PCDHA11: variants seen among roughly 807,000 people sequenced by gnomAD.
PCDHA11 encodes the protein protocadherin alpha 11.
A neutral mutation model predicts 70.3 loss-of-function variants in PCDHA11; 61 were observed. The ratio of observed to expected loss-of-function variants is 0.87; its 90% CI spans 0.71 to 1.07. The LOEUF is 1.07. Among genes scored for constraint, PCDHA11 ranks in the 50% least tolerant of loss-of-function variants. The pLI is 0.00. For missense variants in PCDHA11, 1,324 were observed against 1,237.5 expected (o/e 1.07, Z -1.05); for synonymous variants, 633 against 555.1 (o/e 1.14, Z -1.97).
intron 1 of PCDHA11, among the ~76,000 whole-genome samples, chr5:140,906,601 A>G (rs1337843589): frequency 6.6e-6 from 1 of 152,156 alleles, no homozygotes; most frequent in Non-Finnish European, 1.5e-5. Flanking sequence ...TCTACTACTC[A>G]TTCTGTATTC....
chr5:141,011,325 A>G lies in PCDHA11; in HGVS notation c.*1388A>G, dbSNP rs533115888. 1 of 153,778 alleles carries G rather than the reference A, an allele frequency of 6.5e-6. No individual in the cohort carries two copies. Among genetic ancestry groups the G allele is most frequent in the African/African-American group, 2.4e-5 (1 of 41,456 alleles). 9.5% of individuals were successfully genotyped at this position (153,778 alleles called of 1,614,324 possible). On this transcript the variant is annotated 3_prime_UTR_variant, in exon 4 of 4. Transcript: ENST00000398640. ...TGAATTGCTAATCTTACTAACACCTATGATGTTACCTGAAATCAATCTCCC... is the reference window on the plus strand; with the variant it reads ...TGAATTGCTAATCTTACTAACACCTGTGATGTTACCTGAAATCAATCTCCC...
At chr5:141,001,452 A>G (rs2098018922) in intron 3 of PCDHA11, among the ~76,000 whole-genome samples, 1 of 152,196 alleles carries the variant, frequency 6.6e-6, no homozygotes, top group Admixed American at 6.5e-5. Context: ...TCCACTGTCA[A>G]TTGAAGGACT....
At chr5:140,882,228 T>G in intron 1 of PCDHA11, 1 of 1,564,682 alleles carries the variant, frequency 6.4e-7, no homozygotes, top group Non-Finnish European at 8.7e-7. Context: ...GGTAAGGCGT[T>G]GTATATATTG....
At chr5:140,968,529 C>T in intron 1 of PCDHA11, 1 of 1,614,206 alleles carries the variant, frequency 6.2e-7, no homozygotes, top group Non-Finnish European at 8.5e-7. Flanking sequence ...ACCAACTCGT[C>T]AGCAGCCTTC....
chr5:140,882,438 C>T (rs782795158), intron 1 of PCDHA11: 5 of 1,614,020 alleles, frequency 3.1e-6, no homozygotes, highest in Non-Finnish European at 4.2e-6. Context: ...CTGGAGCTGG[C>T]GGAGCTGGTG....
intron 3 of PCDHA11, among the ~76,000 whole-genome samples, chr5:141,003,794 G>A (rs1158199764): frequency 6.6e-6 from 1 of 152,102 alleles, no homozygotes; most frequent in Non-Finnish European, 1.5e-5. Context: ...AAATCCTATT[G>A]GGTTGTAATC....
intron 3 of PCDHA11, among the ~76,000 whole-genome samples, chr5:141,000,477 G>C (rs1191359491): frequency 1.5e-5 from 2 of 132,058 alleles, no homozygotes; most frequent in African/African-American, 5.8e-5. Context: ...GCCCAAGCTG[G>C]AGTGCAATGG....
intron 1 of PCDHA11, among the ~76,000 whole-genome samples, chr5:140,887,610 A>G (rs544288452): frequency 3.2e-4 from 49 of 151,656 alleles, no homozygotes; most frequent in Admixed American, 2.7e-3. Context: ...GTGCTTTAGT[A>G]TGGTTTTCTT....
intron 1 of PCDHA11, among the ~76,000 whole-genome samples, chr5:140,872,278 AAAGTT>A (rs2053578296): frequency 6.6e-6 from 1 of 152,138 alleles, no homozygotes; most frequent in Non-Finnish European, 1.5e-5. Context: ...TTTGAAGAAA[AAAGTT>A]AAGCCTTGCA....
rs200797202 is a variant in PCDHA11 at position 140,937,911 on chromosome 5, C to CA, written c.2392-41022dup. On this transcript the variant is annotated intron_variant, in intron 1 of 3. Coordinates refer to ENST00000398640, the MANE Select transcript of PCDHA11 (RefSeq NM_018902.5). ...TGGGCGACAGAGTGAGACTCCGTCT[C>CA]AAAAAAAAAAAAAAAAGTTTAATTT... 3.1e-3 allele frequency among the ~76,000 whole-genome samples: 361 copies of CA among 117,828 alleles called. 2 individuals are homozygous for CA. In the East Asian group the frequency reaches 0.042, roughly 14 times the overall value. 77.3% of individuals were successfully genotyped at this position (117,828 alleles called of 152,430 possible).
intron 1 of PCDHA11, chr5:140,926,295 C>T (rs1554203253): frequency 6.6e-6 from 1 of 152,322 alleles, no homozygotes; most frequent in African/African-American, 2.4e-5. Flanking sequence ...CGCTGAGTCC[C>T]GCCCTCTCCG....
chr5:140,884,529 G>C lies in PCDHA11; in HGVS notation c.2391+13035G>C. On this transcript the variant is annotated intron_variant, in intron 1 of 3. Transcript: ENST00000398640. Reference sequence around the variant, plus strand: ...GGGAGTTGGTCGTACTCGCAGCAGAGGCGGCCGAGGGTGTGCTCTGGGGAG... The same window carrying C: ...GGGAGTTGGTCGTACTCGCAGCAGACGCGGCCGAGGGTGTGCTCTGGGGAG... 2.5e-6 allele frequency: 4 copies of C among 1,614,068 alleles called. No individual in the cohort carries two copies. Among genetic ancestry groups the C allele is most frequent in the Non-Finnish European group, 3.4e-6 (4 of 1,179,986 alleles).
chr5:140,929,580 T>A (rs1035039235), intron 1 of PCDHA11: 13 of 442,122 alleles, frequency 2.9e-5, no homozygotes, highest in African/African-American at 1.0e-4. Context: ...AAAAGTAATA[T>A]GACATAAAGG....
intron 1 of PCDHA11, among the ~76,000 whole-genome samples, chr5:140,939,170 A>G (rs1554212590): frequency 2.0e-5 from 3 of 152,136 alleles, no homozygotes; most frequent in Admixed American, 1.3e-4. Context: ...GTGTCTGGTA[A>G]TGGCCCACTC....
In PCDHA11 at chr5:141,012,060, A is replaced by T. The variant is rs919882671; in HGVS notation, c.*2123A>T. 3.9e-5 allele frequency: 6 copies of T among 153,766 alleles called. No individual in the cohort carries two copies. The highest frequency in any genetic ancestry group is 8.8e-5 in the Non-Finnish European group (6 of 68,040). 9.5% of individuals were successfully genotyped at this position (153,766 alleles called of 1,614,324 possible). ...GCATGGGGTAAAACTTGTTACCAAC[A>T]CATGTGAACCATTGCTACATTGTAG... On this transcript the variant is annotated 3_prime_UTR_variant, in exon 4 of 4. Transcript: ENST00000398640.
In PCDHA11 at chr5:140,982,557, A is replaced by G. The variant is rs199851685; in HGVS notation, c.2533A>G (p.Thr845Ala). 6.2e-7 allele frequency: 1 copy of G among 1,614,138 alleles called. No homozygotes were observed. The highest frequency in any genetic ancestry group is 1.7e-5 in the Admixed American group (1 of 60,030). The change falls in exon 3 of 4, where the codon ACA becomes GCA. Residue 845 changes from threonine (T) to alanine (A), a missense_variant. Physicochemically the swap from Thr to Ala is moderately conservative, Grantham distance 58. Transcript: ENST00000398640. ...GCAGTGGCCAACAGTATCCAGTGCAACACCAGGTAAAGAGCTGGGGTCTCT... is the reference window on the plus strand; with the variant it reads ...GCAGTGGCCAACAGTATCCAGTGCAGCACCAGGTAAAGAGCTGGGGTCTCT... Reference protein sequence around the residue: ...DQQWPTVSSATPEPEAGEVSP... With the variant: ...DQQWPTVSSAAPEPEAGEVSP...
At chr5:140,978,887 A>C (rs1367734690) in intron 1 of PCDHA11, 62 bp from the exon 2 acceptor site, 14 of 1,611,648 alleles carry the variant, frequency 8.7e-6, no homozygotes, top group Admixed American at 1.7e-5. Flanking sequence ...ATCAATTAGC[A>C]GCATTCCTGG....
Position 140,869,284 on chromosome 5 carries a change from C to T in PCDHA11, c.181C>T (p.Gln61Ter). 1 of 1,613,582 alleles carries T rather than the reference C, an allele frequency of 6.2e-7. No individual in the cohort carries two copies. The highest frequency in any genetic ancestry group is 8.5e-7 in the Non-Finnish European group (1 of 1,179,972). ...DLGLELAELV[Q>*]RLFRVASKTH... ...GGGGCTGGAGCTGGCGGAGCTGGTG[C>T]AGCGCCTGTTCCGGGTGGCGTCCAA... is the stretch of plus-strand genomic sequence containing the variant. The change falls in exon 1 of 4, where the codon CAG becomes TAG. Residue 61 changes from glutamine to a stop codon, truncating the protein, a stop_gained. Coordinates refer to ENST00000398640, the MANE Select transcript of PCDHA11 (RefSeq NM_018902.5). LOFTEE classifies it high-confidence loss of function.
At chr5:140,883,008 AT>A in intron 1 of PCDHA11, 1 of 1,614,178 alleles carries the variant, frequency 6.2e-7, no homozygotes, top group Non-Finnish European at 8.5e-7. Context: ...CAATCCGTTT[AT>A]AAAGTGACGG....
Sources: allele counts gnomAD v4.1 joint callset (sites outside exome capture counted in the v4.1 genomes callset), GRCh38; gene constraint gnomAD v4.1.1; transcripts MANE v1.5; gene names NCBI Gene and HGNC (gene_info 2026-07-23, HGNC 2026-07-21).